FLRT2: variants seen among roughly 807,000 people sequenced by gnomAD.
FLRT2 encodes fibronectin leucine rich transmembrane protein 2.
A neutral mutation model predicts 40.0 loss-of-function variants in FLRT2; 15 were observed. That is an observed-to-expected ratio of 0.38 (90% confidence interval 0.25 to 0.58). FLRT2 has a LOEUF of 0.58. Among genes scored for constraint, FLRT2 ranks in the 20% least tolerant of loss-of-function variants. FLRT2 has a pLI of 0.71. For missense variants in FLRT2, 726 were observed against 840.0 expected (o/e 0.86, Z 1.68); for synonymous variants, 380 against 336.8 (o/e 1.13, Z -1.41).
chr14:85,577,343 A>G (rs1225660729), intron 1 of FLRT2, among the ~76,000 whole-genome samples: 4 of 152,298 alleles, frequency 2.6e-5, no homozygotes, highest in Non-Finnish European at 4.4e-5. Flanking sequence ...AAATGAATCC[A>G]TTTTCCCCTG....
chr14:85,531,960 C>A (rs1310441263), intron 1 of FLRT2, among the ~76,000 whole-genome samples: 1 of 152,166 alleles, frequency 6.6e-6, no homozygotes, highest in Non-Finnish European at 1.5e-5. Context: ...GGAGGCAAAT[C>A]GGGCGTTTCT....
rs1242521347 is a variant in FLRT2 at position 85,629,768 on chromosome 14, G to A, written c.*6271G>A. On this transcript the variant is annotated 3_prime_UTR_variant, in exon 2 of 2. Coordinates refer to ENST00000330753, the MANE Select transcript of FLRT2 (RefSeq NM_013231.6). ...ATGGAGCTATCATAACTTCTCAGTG[G>A]ATACATATATTATCATTTATGGCAA... The A allele has an allele frequency of 6.6e-6, 1 of 152,036 alleles. No homozygotes were observed. Among genetic ancestry groups the A allele is most frequent in the African/African-American group, 2.4e-5 (1 of 41,400 alleles). 9.4% of individuals were successfully genotyped at this position (152,036 alleles called of 1,614,324 possible). A position where few individuals can be genotyped will look rare whatever the true frequency, so the allele number is the denominator to read the frequency against.
rs755129362 is a variant in FLRT2, at chr14:85,629,434, C to G, written c.*5937C>G. The G allele has an allele frequency of 2.6e-5, 4 of 152,202 alleles. No individual in the cohort carries two copies. The highest frequency in any genetic ancestry group is 6.5e-5 in the Admixed American group (1 of 15,284). 9.4% of individuals were successfully genotyped at this position (152,202 alleles called of 1,614,324 possible). A position where few individuals can be genotyped will look rare whatever the true frequency, so the allele number is the denominator to read the frequency against. On this transcript the variant is annotated 3_prime_UTR_variant, in exon 2 of 2. Transcript: ENST00000330753. Reference sequence around the variant, plus strand: ...TTTTATTAAGCACCACGATGGAACTCAATCTAAAGGAATAATGGCACCTGA... The same window carrying G: ...TTTTATTAAGCACCACGATGGAACTGAATCTAAAGGAATAATGGCACCTGA...
rs916578195 is a variant in FLRT2 at position 85,649,254 on chromosome 14, G to A, written c.*25757G>A. 6.6e-6 allele frequency: 1 copy of A among 151,972 alleles called. No homozygotes were observed. Among genetic ancestry groups the A allele is most frequent in the Non-Finnish European group, 1.5e-5 (1 of 67,964 alleles). 9.4% of individuals were successfully genotyped at this position (151,972 alleles called of 1,614,324 possible). On this transcript the variant is annotated 3_prime_UTR_variant, in exon 2 of 2. Transcript: ENST00000330753. ...TATTCCGGTTAACAATTTTACTTGA[G>A]TAGAAATCACTTGACTCAAATTTTG...
At chr14:85,594,892 T>A (rs77819664) in intron 1 of FLRT2, among the ~76,000 whole-genome samples, 3,476 of 152,312 alleles carry the variant, frequency 0.023, 139 homozygotes, top group African/African-American at 0.08. Context: ...GTATTTTATA[T>A]GTATTATTGA....
chr14:85,532,829 C>T (rs1888366602), intron 1 of FLRT2, among the ~76,000 whole-genome samples: 1 of 152,174 alleles, frequency 6.6e-6, no homozygotes, highest in African/African-American at 2.4e-5. Flanking sequence ...TCTAATCTCA[C>T]ATTTCGATCA....
intron 1 of FLRT2, among the ~76,000 whole-genome samples, chr14:85,617,971 G>C (rs1893208401): frequency 6.6e-6 from 1 of 152,170 alleles, no homozygotes; most frequent in Admixed American, 6.5e-5. Flanking sequence ...AATTACAAAA[G>C]AGCCACTCAT....
At chr14:85,569,916 T>A (rs1035928557) in intron 1 of FLRT2, among the ~76,000 whole-genome samples, 2 of 152,136 alleles carry the variant, frequency 1.3e-5, no homozygotes, top group African/African-American at 2.4e-5. Flanking sequence ...TGACAGTGGG[T>A]CTTAGTGGTA....
rs1894226885 is a variant in FLRT2, at chr14:85,643,840, A to G, written c.*20343A>G. 1 of 152,206 alleles carries G rather than the reference A, an allele frequency of 6.6e-6. No homozygotes were observed. Among genetic ancestry groups the G allele is most frequent in the African/African-American group, 2.4e-5 (1 of 41,452 alleles). The allele number at this position is 152,206 out of a possible 1,614,324, so 9.4% of individuals were successfully genotyped here. ...CCTGGAGTGACAGAGAACAAACGAC[A>G]ACATTTAGTCCAGTTGCAGCAGAGT... On this transcript the variant is annotated 3_prime_UTR_variant, in exon 2 of 2. Transcript: ENST00000330753.
chr14:85,598,092 A>G (rs148228408), intron 1 of FLRT2, among the ~76,000 whole-genome samples: 274 of 152,332 alleles, frequency 1.8e-3, no homozygotes, highest in Middle Eastern at 3.4e-3. Flanking sequence ...GTCACTTCAT[A>G]TAGACACATC....
chr14:85,583,919 G>T (rs904783017), intron 1 of FLRT2, among the ~76,000 whole-genome samples: 2 of 150,090 alleles, frequency 1.3e-5, no homozygotes, highest in African/African-American at 4.9e-5. Context: ...GAGCCCAGGA[G>T]TTTGAAGCCA....
chr14:85,574,201 G>A (rs941130592), intron 1 of FLRT2, among the ~76,000 whole-genome samples: 8 of 151,618 alleles, frequency 5.3e-5, no homozygotes, highest in Non-Finnish European at 8.8e-5. Context: ...AGGGTTGATA[G>A]TTTTAATACA....
intron 1 of FLRT2, among the ~76,000 whole-genome samples, chr14:85,553,885 G>C (rs960486327): frequency 6.6e-6 from 1 of 152,118 alleles, no homozygotes; most frequent in Non-Finnish European, 1.5e-5. Flanking sequence ...ACTGAACTCT[G>C]CCTATAAGAT....
rs149106784 is a variant in FLRT2, at chr14:85,653,842, T to G, written c.*30345T>G. ...TAAAGACATTAAGAACTGAGCTGAG[T>G]AACAAACTTTCTAGAAATGAATGAA... On this transcript the variant is annotated 3_prime_UTR_variant, in exon 2 of 2. Coordinates refer to ENST00000330753, the MANE Select transcript of FLRT2 (RefSeq NM_013231.6). The G allele has an allele frequency of 2.0e-5, 3 of 152,316 alleles. No homozygotes were observed. The highest frequency in any genetic ancestry group is 4.4e-5 in the Non-Finnish European group (3 of 68,026). 9.4% of individuals were successfully genotyped at this position (152,316 alleles called of 1,614,324 possible).
rs78848811 is a variant in FLRT2 at position 85,562,201 on chromosome 14, C to G, written c.-377+31667C>G. Among the ~76,000 whole-genome samples, 726 of 152,332 alleles carry G rather than the reference C, an allele frequency of 4.8e-3. 13 individuals carry two copies. Among genetic ancestry groups the G allele is most frequent in the African/African-American group, 0.017 (687 of 41,564 alleles). On this transcript the variant is annotated intron_variant, in intron 1 of 1. Transcript: ENST00000330753. The stretch of plus-strand genomic sequence containing the variant: ...AACAATGCCGTGGAAGGAAAGGCAT[C>G]ACTTGTTTACACACCTGGTCACCTT...
In FLRT2 at chr14:85,585,874, G is replaced by A. The variant is rs1434873567; in HGVS notation, c.-376-35265G>A. On this transcript the variant is annotated intron_variant, in intron 1 of 1. Coordinates refer to ENST00000330753, the MANE Select transcript of FLRT2 (RefSeq NM_013231.6). Reference sequence around the variant, plus strand: ...AATTTTCTGTTCTTGATGTTCTGCGGGAGTAATGATGCACCAGATGATAAT... The same window carrying A: ...AATTTTCTGTTCTTGATGTTCTGCGAGAGTAATGATGCACCAGATGATAAT... Among the ~76,000 whole-genome samples, 7 of 152,028 alleles carry A rather than the reference G, an allele frequency of 4.6e-5. No homozygotes were observed. In the South Asian group the frequency reaches 1.3e-3, roughly 27 times the overall value.
At chr14:85,557,702 A>G (rs1043016275) in intron 1 of FLRT2, among the ~76,000 whole-genome samples, 1 of 152,166 alleles carries the variant, frequency 6.6e-6, no homozygotes, top group Admixed American at 6.5e-5. Flanking sequence ...CTGTAATCCC[A>G]GCTACTTGGG....
In FLRT2 at chr14:85,611,171, C is replaced by T. The variant is rs558383570; in HGVS notation, c.-376-9968C>T. Among the ~76,000 whole-genome samples the T allele has an allele frequency of 2.0e-5, 3 of 152,250 alleles. No individual in the cohort carries two copies. The East Asian group carries it at 5.8e-4, about 29-fold the overall frequency. On this transcript the variant is annotated intron_variant, in intron 1 of 1. Coordinates refer to ENST00000330753, the MANE Select transcript of FLRT2 (RefSeq NM_013231.6). Reference sequence around the variant, plus strand: ...TTGGCCTCCCAAATTGCTGGGATTACGGGCCTTCTTGCTTTCTAAACATAG... The same window carrying T: ...TTGGCCTCCCAAATTGCTGGGATTATGGGCCTTCTTGCTTTCTAAACATAG...
At chr14:85,539,715 C>T (rs545451177) in intron 1 of FLRT2, among the ~76,000 whole-genome samples, 7 of 152,244 alleles carry the variant, frequency 4.6e-5, no homozygotes, top group Admixed American at 1.3e-4. Context: ...GATAACAATA[C>T]AGTGTTATAT....
Sources: allele counts gnomAD v4.1 joint callset (sites outside exome capture counted in the v4.1 genomes callset), GRCh38; gene constraint gnomAD v4.1.1; transcripts MANE v1.5; gene names NCBI Gene and HGNC (gene_info 2026-07-23, HGNC 2026-07-21).